The following SMC4 variants were observed in gnomAD, a reference collection of about 807,000 sequenced individuals.
The protein encoded by SMC4 is structural maintenance of chromosomes 4.
In SMC4, 87 loss-of-function variants were observed where a neutral mutation model predicts 145.6. The ratio of observed to expected loss-of-function variants is 0.60; its 90% CI spans 0.50 to 0.71. SMC4 has a LOEUF of 0.71. Ranked by LOEUF, SMC4 falls within the 30% of genes least tolerant of loss-of-function variation. The probability of loss-of-function intolerance (pLI) is 0.00; values close to 1 mark genes in which losing one functional copy is unlikely to be tolerated. For missense variants in SMC4, 1,447 were observed against 1,537.1 expected (o/e 0.94, Z 0.98); for synonymous variants, 558 against 500.7 (o/e 1.11, Z -1.53).
intron 20 of SMC4, 32 bp from the exon 21 acceptor site, chr3:160,431,611 T>G (rs1718415084): frequency 6.7e-7 from 1 of 1,494,740 alleles, no homozygotes; most frequent in Non-Finnish European, 9.1e-7. Flanking sequence ...ATATTATGCC[T>G]TCTCTAACTC....
intron 4 of SMC4, chr3:160,403,933 C>A (rs1239810004): frequency 6.1e-6 from 1 of 164,656 alleles, no homozygotes; most frequent in East Asian, 1.9e-4. Context: ...TACCTTCCTT[C>A]CTTTTTCTTT....
chr3:160,414,328 C>T (rs763704267), intron 8 of SMC4, 39 bp from the exon 9 acceptor site: 8 of 1,507,306 alleles, frequency 5.3e-6, no homozygotes, highest in Middle Eastern at 1.7e-4. Context: ...AATATGTGCA[C>T]ATTCAAAATA....
In SMC4 at chr3:160,426,122, G is replaced by C; in HGVS notation, c.2527G>C (p.Glu843Gln). 1 of 1,608,192 alleles carries C rather than the reference G, an allele frequency of 6.2e-7. No individual in the cohort carries two copies. The highest frequency in any genetic ancestry group is 2.2e-5 in the East Asian group (1 of 44,712). ...TTTGAATGTCCAAGTTAAGGAACTTGAAGCTAATGTACTTGCTACAGCCCC... is the reference window on the plus strand; with the variant it reads ...TTTGAATGTCCAAGTTAAGGAACTTCAAGCTAATGTACTTGCTACAGCCCC... The part of the protein sequence containing the change: ...EYLNVQVKEL[E>Q]ANVLATAPDK... The change falls in exon 17 of 24, where the codon GAA (glutamate) becomes CAA (glutamine). Residue 843 changes from glutamate to glutamine, a missense_variant. Glu to Gln is a conservative substitution (Grantham distance 29). Transcript: ENST00000357388.
chr3:160,414,120 A>T, intron 8 of SMC4: 1 of 508,496 alleles, frequency 2.0e-6, no homozygotes, highest in Non-Finnish European at 3.8e-6. Flanking sequence ...ATACCTAGAC[A>T]TTGTAGTCAC....
chr3:160,401,980 C>G lies in SMC4; in HGVS notation c.205C>G (p.Pro69Ala), dbSNP rs762423012. 1 of 1,606,732 alleles carries G rather than the reference C, an allele frequency of 6.2e-7. No homozygotes were observed. Among genetic ancestry groups the G allele is most frequent in the South Asian group, 1.1e-5 (1 of 89,752 alleles). The change falls in exon 3 of 24, where the codon CCG (proline) becomes GCG (alanine). Residue 69 changes from proline to alanine, a missense_variant. Pro to Ala is a conservative substitution (Grantham distance 27, BLOSUM62 -1). Coordinates refer to ENST00000357388, the MANE Select transcript of SMC4 (RefSeq NM_001002800.3). ...GATTTTGAACAGCATTCCTCCTCCC[C>G]CGCCTCCAGCAATGACCAATGAAGC... ...EEILNSIPPPPPPAMTNEAGA... is the reference protein window; with the variant it reads ...EEILNSIPPPAPPAMTNEAGA...
chr3:160,414,903 T>G (rs560510212), intron 9 of SMC4, among the ~76,000 whole-genome samples: 1 of 152,220 alleles, frequency 6.6e-6, no homozygotes, highest in Non-Finnish European at 1.5e-5. Flanking sequence ...TACAATAATA[T>G]GTTATTGGGA....
Position 160,404,393 on chromosome 3 carries a change from T to C in SMC4, c.576T>C (p.Asp192=). 6.2e-7 allele frequency: 1 copy of C among 1,611,168 alleles called. No individual in the cohort carries two copies. The highest frequency in any genetic ancestry group is 8.5e-7 in the Non-Finnish European group (1 of 1,179,064). ...ATGTATCCAGAACGGCCTGCAGAGATAATACTTCTGTCTATCACATAAGTG... is the reference window on the plus strand; with the variant it reads ...ATGTATCCAGAACGGCCTGCAGAGACAATACTTCTGTCTATCACATAAGTG... The part of the protein sequence containing the change: ...NFYVSRTACR[D]NTSVYHISGK... The change falls in exon 5 of 24, where the codon GAT becomes GAC. Residue 192 remains aspartate, a synonymous_variant. Transcript: ENST00000357388.
intron 17 of SMC4, among the ~76,000 whole-genome samples, chr3:160,428,228 A>G (rs1258498515): frequency 6.6e-6 from 1 of 152,198 alleles, no homozygotes; most frequent in Non-Finnish European, 1.5e-5. Context: ...GACCTAAATT[A>G]TGTCTAAACC....
intron 7 of SMC4, chr3:160,412,716 G>C (rs1415661949): frequency 1.3e-6 from 1 of 759,954 alleles, no homozygotes; most frequent in African/African-American, 1.9e-5. Context: ...GGAATTATGT[G>C]GTGAACTTAT....
At chr3:160,407,018 G>C (rs1476236609) in intron 5 of SMC4, among the ~76,000 whole-genome samples, 1 of 152,126 alleles carries the variant, frequency 6.6e-6, no homozygotes, top group African/African-American at 2.4e-5. Flanking sequence ...TACAAGTAGA[G>C]TTTTATTAGC....
At chr3:160,407,019 T>G (rs1020466065) in intron 5 of SMC4, among the ~76,000 whole-genome samples, 1 of 152,084 alleles carries the variant, frequency 6.6e-6, no homozygotes, top group Non-Finnish European at 1.5e-5. Context: ...ACAAGTAGAG[T>G]TTTATTAGCT....
rs564337967 is a variant in SMC4, at chr3:160,431,751, C to A, written c.3223C>A (p.Gln1075Lys). Reference sequence around the variant, plus strand: ...CAAGAATCCAGATTCTATAACAAATCAAATTGCACTTTTGGAAGCCCGGTG... The same window carrying A: ...CAAGAATCCAGATTCTATAACAAATAAAATTGCACTTTTGGAAGCCCGGTG... ...AIKNPDSITNQIALLEARCHE... is the reference protein window; with the variant it reads ...AIKNPDSITNKIALLEARCHE... Residue 1075 changes from glutamine to lysine, a missense_variant, in exon 21 of 24, where the codon CAA becomes AAA. Transcript: ENST00000357388. 13 of 1,613,846 alleles carry A rather than the reference C, an allele frequency of 8.1e-6. No homozygotes were observed. In the African/African-American group the frequency reaches 1.2e-4, roughly 15 times the overall value.
At position 160,399,656 on chromosome 3, in the gene SMC4, G is replaced by A. The variant is rs1484020307; in HGVS notation, c.-99G>A. ...AGTTTGTATTTTAGGCGCCATTTTC[G>A]AGTGAAGGACCCGGAGCCGAAACAC... On this transcript the variant is annotated 5_prime_UTR_variant, in exon 1 of 24. Transcript: ENST00000357388. The A allele has an allele frequency of 1.3e-5, 2 of 152,612 alleles. No individual in the cohort carries two copies. Among genetic ancestry groups the A allele is most frequent in the African/African-American group, 4.8e-5 (2 of 41,438 alleles). 9.5% of individuals were successfully genotyped at this position (152,612 alleles called of 1,614,324 possible). A position where few individuals can be genotyped will look rare whatever the true frequency, so the allele number is the denominator to read the frequency against.
rs201503540 is a variant in SMC4 at position 160,423,397 on chromosome 3, TTTTGTTTG to T, written c.2020-16_2020-9del. 7.3e-7 allele frequency: 1 copy of T among 1,374,346 alleles called. No individual in the cohort carries two copies. Among genetic ancestry groups the T allele is most frequent in the Admixed American group, 2.3e-5 (1 of 43,436 alleles). 85.1% of individuals were successfully genotyped at this position (1,374,346 alleles called of 1,614,324 possible). On this transcript the variant is annotated intron_variant, in intron 13 of 23. Coordinates refer to ENST00000357388, the MANE Select transcript of SMC4 (RefSeq NM_001002800.3). ...AGTTTTCTTTTTTGTTAACTGTTGT[TTTTGTTTG>T]TTTGTTTGTTTACTTTTAGATGGCT...
chr3:160,417,915 A>G lies in SMC4; in HGVS notation c.1630A>G (p.Ile544Val), dbSNP rs1240831187. 11 of 1,612,818 alleles carry G rather than the reference A, an allele frequency of 6.8e-6. No individual in the cohort carries two copies. The highest frequency in any genetic ancestry group is 1.1e-5 in the South Asian group (1 of 91,004). Residue 544 changes from isoleucine (I) to valine (V), a missense_variant, in exon 11 of 24, where the codon ATA becomes GTA. Coordinates refer to ENST00000357388, the MANE Select transcript of SMC4 (RefSeq NM_001002800.3). Reference protein sequence around the residue: ...LKERKAAIRDIEGKLPQTEQE... With the variant: ...LKERKAAIRDVEGKLPQTEQE... ...AGAAAGGAAAGCTGCAATCAGAGAT[A>G]TAGAAGGAAAACTCCCTCAAACTGA...
At chr3:160,414,020 A>T in intron 8 of SMC4, 1 of 346,938 alleles carries the variant, frequency 2.9e-6, no homozygotes, top group South Asian at 2.3e-5. Flanking sequence ...TAAATAAAAA[A>T]ATTTGTATAG....
intron 16 of SMC4, 22 bp from the exon 17 acceptor site, chr3:160,426,052 A>T (rs760918127): frequency 2.0e-5 from 31 of 1,551,608 alleles, no homozygotes; most frequent in Non-Finnish European, 2.4e-5. Flanking sequence ...TATTGACCTT[A>T]AATGTTAAAA....
At chr3:160,401,217 G>A (rs1039747765) in intron 2 of SMC4, among the ~76,000 whole-genome samples, 2 of 151,794 alleles carry the variant, frequency 1.3e-5, no homozygotes, top group African/African-American at 2.4e-5. Context: ...TGTGACCTGT[G>A]GAATGGTACA....
chr3:160,413,766 C>A, intron 8 of SMC4, 153 bp downstream of exon 8: 1 of 470,368 alleles, frequency 2.1e-6, no homozygotes, highest in Non-Finnish European at 3.7e-6. Context: ...ACTTGCCTTG[C>A]ATCCAGTTCC....
Sources: gnomAD v4.1 joint callset for allele counts (sites outside exome capture counted in the v4.1 genomes callset) on GRCh38, gnomAD v4.1.1 for gene constraint, MANE v1.5 for transcripts, NCBI Gene and HGNC (gene_info 2026-07-23, HGNC 2026-07-21) for gene names.